MACF1: variants seen among roughly 807,000 people sequenced by gnomAD.
MACF1 encodes the protein microtubule actin crosslinking factor 1.
Under a neutral mutation model 854.8 loss-of-function variants are expected in MACF1, and 193 were observed. The observed-to-expected ratio is 0.23, with a 90% CI of 0.20 to 0.25. The LOEUF is 0.25. MACF1 is among the 10% of genes least tolerant of loss of function. The pLI is 1.00. For missense variants in MACF1, 7,722 were observed against 8,929.1 expected, an observed-to-expected ratio of 0.86 and a Z score of 5.45; for synonymous variants, 3,185 against 3,226.7, an observed-to-expected ratio of 0.99 and a Z score of 0.44.
At chr1:39,212,014 T>C (rs1041221235) in intron 1 of MACF1, among the ~76,000 whole-genome samples, 1 of 128,228 alleles carries the variant, frequency 7.8e-6, no homozygotes, top group African/African-American at 4.0e-5. Context: ...TTTGGCATTT[T>C]AGGAAAGACA....
chr1:39,362,660 T>G (rs371415639), intron 49 of MACF1, among the ~76,000 whole-genome samples: 2 of 152,316 alleles, frequency 1.3e-5, no homozygotes, highest in African/African-American at 4.8e-5. Context: ...ACTTAAGATA[T>G]TTGTGGCACA....
chr1:39,379,465 G>A (rs1168577329), intron 54 of MACF1, 21 bp downstream of exon 54: 1 of 1,597,102 alleles, frequency 6.3e-7, no homozygotes, highest in Admixed American at 1.7e-5. Context: ...TACATTAGTT[G>A]CCTCCCAACA....
intron 21 of MACF1, among the ~76,000 whole-genome samples, chr1:39,299,442 T>C (rs1046859792): frequency 3.3e-5 from 5 of 152,200 alleles, no homozygotes; most frequent in African/African-American, 1.2e-4. Context: ...AAAGTTTATC[T>C]TTTACTCTTT....
intron 74 of MACF1, 41 bp downstream of exon 74, chr1:39,441,366 T>C: frequency 6.5e-7 from 1 of 1,529,620 alleles, no homozygotes; most frequent in Non-Finnish European, 9.0e-7. Flanking sequence ...ATACAGGTTC[T>C]GTTTTTTGCC....
intron 2 of MACF1, among the ~76,000 whole-genome samples, chr1:39,235,594 C>T (rs1644851581): frequency 6.6e-6 from 1 of 152,230 alleles, no homozygotes; most frequent in Non-Finnish European, 1.5e-5. Flanking sequence ...ATGCATCTGT[C>T]TTCTCTTCTC....
intron 47 of MACF1, among the ~76,000 whole-genome samples, chr1:39,360,003 AAAAAAAAAAATATATATATATAT>A (rs1647945794): frequency 1.4e-5 from 1 of 72,766 alleles, no homozygotes. Flanking sequence ...AAAAAAAAAA[AAAAAAAAAAATATATATATATAT>A]ATATATATAT....
At chr1:39,135,550 A>C (rs761290666) in intron 2 of MACF1, among the ~76,000 whole-genome samples, 6 of 152,102 alleles carry the variant, frequency 3.9e-5, no homozygotes, top group Non-Finnish European at 8.8e-5. Context: ...ATTATTTTTA[A>C]TAGTAATGAA....
At position 39,355,484 on chromosome 1, in the gene MACF1, T is replaced by C. The variant is rs77159782; in HGVS notation, c.11425-1891T>C. Among the ~76,000 whole-genome samples, 384 of 131,456 alleles carry C rather than the reference T, an allele frequency of 2.9e-3. 4 individuals are homozygous for C. The highest frequency in any genetic ancestry group is 0.023 in the Admixed American group (305 of 13,460). The allele number at this position is 131,456 out of a possible 152,430, so 86.2% of individuals were successfully genotyped here. ...GCTTTTTTTTTTTTTTTTTTTTTTT[T>C]TGAGACGGAGTCTCACTCTGTCACC... On this transcript the variant is annotated intron_variant, in intron 44 of 100. Transcript: ENST00000564288.
chr1:39,108,506 G>GTTTTTTTTT (rs778050199), intron 2 of MACF1, among the ~76,000 whole-genome samples: 1 of 120,674 alleles, frequency 8.3e-6, no homozygotes, highest in African/African-American at 3.1e-5. Flanking sequence ...ACATGAGAGG[G>GTTTTTTTTT]TTTTTTTTTT....
At chr1:39,452,470 T>A (rs1319703408) in intron 86 of MACF1, 120 bp downstream of exon 86, 4 of 1,153,098 alleles carry the variant, frequency 3.5e-6, no homozygotes, top group Admixed American at 2.4e-5. Context: ...TGAAAATTGA[T>A]ATTCTGAATG....
At chr1:39,322,807 T>G in intron 32 of MACF1, 92 bp downstream of exon 32, 1 of 1,516,888 alleles carries the variant, frequency 6.6e-7, no homozygotes, top group South Asian at 1.1e-5. Flanking sequence ...GGGCTCACTT[T>G]TCTGGTGAAC....
Position 39,315,709 on chromosome 1 carries a change from T to G in MACF1, c.3449+18T>G, listed in dbSNP as rs1255575226. The G allele has an allele frequency of 1.9e-6, 3 of 1,611,416 alleles. No individual in the cohort carries two copies. The highest frequency in any genetic ancestry group is 2.5e-6 in the Non-Finnish European group (3 of 1,178,834). On this transcript the variant is annotated intron_variant, in intron 27 of 100. Transcript: ENST00000564288. ...CTGAATAAGTGAGTGAGCTGAGGTT[T>G]TGGGTCCAAGAGCAATATTTTCCAT... is the stretch of plus-strand genomic sequence containing the variant.
intron 2 of MACF1, among the ~76,000 whole-genome samples, chr1:39,178,603 C>G (rs1644063761): frequency 6.6e-6 from 1 of 152,118 alleles, no homozygotes; most frequent in Non-Finnish European, 1.5e-5. Flanking sequence ...AATCCATAAC[C>G]CAGGGTTCAG....
chr1:39,411,444 G>C (rs750777622), intron 58 of MACF1: 3 of 1,613,970 alleles, frequency 1.9e-6, no homozygotes, highest in South Asian at 1.1e-5. Flanking sequence ...CTCTTGGTCA[G>C]ATTTGTTGCC....
At chr1:39,443,299 C>G (rs1644156891) in intron 78 of MACF1, 147 bp from the exon 79 acceptor site, 1 of 710,600 alleles carries the variant, frequency 1.4e-6, no homozygotes, top group African/African-American at 1.8e-5. Context: ...TAATATTGGC[C>G]CCATGCTAAT....
At chr1:39,403,299 A>T (rs1001538023) in intron 58 of MACF1, among the ~76,000 whole-genome samples, 4 of 152,038 alleles carry the variant, frequency 2.6e-5, no homozygotes, top group Admixed American at 6.6e-5. Flanking sequence ...GGGTTTCGCC[A>T]TGTTGGCCAG....
At chr1:39,233,808 T>TTTTTTTTTTGTTTTA in intron 2 of MACF1, among the ~76,000 whole-genome samples, 1 of 65,772 alleles carries the variant, frequency 1.5e-5, no homozygotes, top group Non-Finnish European at 3.3e-5. Context: ...ATTTATTTTT[T>TTTTTTTTTTGTTTTA]ATTGATAATT....
At chr1:39,268,862 T>C in intron 6 of MACF1, 6 of 1,289,720 alleles carry the variant, frequency 4.7e-6, no homozygotes, top group Non-Finnish European at 6.1e-6. Flanking sequence ...CAGAAGGAAC[T>C]GGAGTCATTG....
intron 36 of MACF1, among the ~76,000 whole-genome samples, chr1:39,330,102 G>A (rs1215045004): frequency 5.9e-5 from 9 of 152,210 alleles, no homozygotes; most frequent in African/African-American, 2.2e-4. Flanking sequence ...GTGTTCAGTA[G>A]ATCTAGTAAT....
Sources: allele counts gnomAD v4.1 joint callset (sites outside exome capture counted in the v4.1 genomes callset), GRCh38; gene constraint gnomAD v4.1.1; transcripts MANE v1.5; gene names NCBI Gene and HGNC (gene_info 2026-07-23, HGNC 2026-07-21).